APPL1: variants seen among roughly 807,000 people sequenced by gnomAD.
APPL1 encodes the protein DCC-interacting protein 13-alpha.
A neutral mutation model predicts 106.8 loss-of-function variants in APPL1; 42 were observed. The observed-to-expected ratio is 0.39, with a 90% confidence interval of 0.31 to 0.51. The LOEUF is 0.51. Among genes scored for constraint, APPL1 ranks in the 20% least tolerant of loss-of-function variants. The pLI is 0.75. For missense variants in APPL1, 769 were observed against 858.2 expected, an observed-to-expected ratio of 0.90 and a Z score of 1.30; for synonymous variants, 263 against 281.8, an observed-to-expected ratio of 0.93 and a Z score of 0.67.
chr3:57,266,206 C>T (rs1336750248), intron 19 of APPL1, among the ~76,000 whole-genome samples: 7 of 152,050 alleles, frequency 4.6e-5, no homozygotes, highest in African/African-American at 1.4e-4. Flanking sequence ...ATACTGGCCT[C>T]GTAGAATGAG....
intron 19 of APPL1, among the ~76,000 whole-genome samples, chr3:57,263,103 G>T (rs76249609): frequency 6.6e-6 from 1 of 151,860 alleles, no homozygotes; most frequent in Non-Finnish European, 1.5e-5. Flanking sequence ...CGCCTGCCTC[G>T]GCCTCCCAAA....
Position 57,269,708 on chromosome 3 carries a change from T to A in APPL1, c.*21T>A. The A allele has an allele frequency of 6.2e-7, 1 of 1,612,022 alleles. No individual in the cohort carries two copies. ...CATAAGCTTATACTTTTGGTAGATATTCCCCCTTGGAATTTGACAGTTTCT... is the reference window on the plus strand; with the variant it reads ...CATAAGCTTATACTTTTGGTAGATAATCCCCCTTGGAATTTGACAGTTTCT... On this transcript the variant is annotated 3_prime_UTR_variant, in exon 22 of 22. Transcript: ENST00000288266.
At chr3:57,233,795 G>A (rs2060701735) in intron 1 of APPL1, among the ~76,000 whole-genome samples, 1 of 151,996 alleles carries the variant, frequency 6.6e-6, no homozygotes, top group African/African-American at 2.4e-5. Flanking sequence ...AAAAATTTTT[G>A]GCCATGTGTG....
Position 57,228,530 on chromosome 3 carries a change from C to T in APPL1, c.54+593C>T, listed in dbSNP as rs1177179510. On this transcript the variant is annotated intron_variant, in intron 1 of 21. Transcript: ENST00000288266. This position sits in a 1 kb window ranked among gnomAD's most constrained non-coding sequence, Gnocchi z 4.6. ...TCGCTGTCACTCGAGCTGTGCACGG[C>T]GAGGGATGGACGGTGCCTTCGCCGC... 1.3e-5 allele frequency among the ~76,000 whole-genome samples: 2 copies of T among 152,214 alleles called. No individual in the cohort carries two copies. Among genetic ancestry groups the T allele is most frequent in the Non-Finnish European group, 2.9e-5 (2 of 68,044 alleles).
At chr3:57,244,523 C>T (rs775617737) in intron 7 of APPL1, among the ~76,000 whole-genome samples, 7 of 152,052 alleles carry the variant, frequency 4.6e-5, no homozygotes, top group African/African-American at 1.7e-4. Context: ...AGTTTGGAAT[C>T]GGAGAGAGTG....
At chr3:57,246,289 T>A in intron 8 of APPL1, 67 bp downstream of exon 8, 1 of 1,237,732 alleles carries the variant, frequency 8.1e-7, no homozygotes, top group Non-Finnish European at 1.1e-6. Flanking sequence ...GATATTTACA[T>A]TAAGTATAAG....
In APPL1 at chr3:57,260,744, T is replaced by C. The variant is rs1389676402; in HGVS notation, c.1812T>C (p.Tyr604=). The C allele has an allele frequency of 1.2e-6, 2 of 1,610,252 alleles. No homozygotes were observed. The highest frequency in any genetic ancestry group is 1.7e-6 in the Non-Finnish European group (2 of 1,177,600). The change falls in exon 19 of 22, where the codon TAT becomes TAC. Residue 604 remains tyrosine, a synonymous_variant. Transcript: ENST00000288266. ...RSESNLSSVC[Y]IFESNNEGEK... is the part of the protein sequence containing the mutation. ...AAAGTAATCTGTCATCAGTCTGCTATATATTTGAGTCAAACAATGAGGGGG... is the reference window on the plus strand; with the variant it reads ...AAAGTAATCTGTCATCAGTCTGCTACATATTTGAGTCAAACAATGAGGGGG...
At chr3:57,261,269 G>A (rs901657434) in intron 19 of APPL1, among the ~76,000 whole-genome samples, 7 of 152,164 alleles carry the variant, frequency 4.6e-5, no homozygotes, top group East Asian at 1.9e-4. Context: ...TTCCATCCAC[G>A]TTGTTGTGAA....
chr3:57,246,228 TA>T lies in APPL1; in HGVS notation c.621+7del. 1 of 1,583,728 alleles carries T rather than the reference TA, an allele frequency of 6.3e-7. No individual in the cohort carries two copies. The highest frequency in any genetic ancestry group is 8.6e-7 in the Non-Finnish European group (1 of 1,169,268). Reference sequence around the variant, plus strand: ...TTGGGTACATGCAAGCTCAGGTAAATACTGTACTGTATTTGGATTATAACTG... The same window carrying T: ...TTGGGTACATGCAAGCTCAGGTAAATCTGTACTGTATTTGGATTATAACTG... On this transcript the variant is annotated splice_region_variant and intron_variant, in intron 8 of 21. Coordinates refer to ENST00000288266, the MANE Select transcript of APPL1 (RefSeq NM_012096.3).
chr3:57,231,209 G>A (rs1002049491), intron 1 of APPL1, among the ~76,000 whole-genome samples: 1 of 151,084 alleles, frequency 6.6e-6, no homozygotes, highest in Non-Finnish European at 1.5e-5. Context: ...CGTGGTGGTG[G>A]ACGTCTGTAA....
At chr3:57,235,241 T>C (rs2060710319) in intron 1 of APPL1, among the ~76,000 whole-genome samples, 1 of 152,234 alleles carries the variant, frequency 6.6e-6, no homozygotes, top group Non-Finnish European at 1.5e-5. Flanking sequence ...ATATTTATAC[T>C]ACATGGAATG....
chr3:57,252,233 T>C (rs1220465527), intron 11 of APPL1, 36 bp from the exon 12 acceptor site: 1 of 1,563,016 alleles, frequency 6.4e-7, no homozygotes, highest in Non-Finnish European at 8.7e-7. Context: ...AATACTTTTT[T>C]AAACAGTTGA....
At chr3:57,241,648 A>G (rs542878183) in intron 5 of APPL1, among the ~76,000 whole-genome samples, 2 of 152,276 alleles carry the variant, frequency 1.3e-5, no homozygotes, top group South Asian at 4.1e-4. Context: ...GGAGTTACTA[A>G]TTGTGGTTGT....
intron 5 of APPL1, among the ~76,000 whole-genome samples, 183 bp from the exon 6 acceptor site, chr3:57,241,918 T>C (rs955979344): frequency 3.9e-5 from 6 of 152,230 alleles, no homozygotes; most frequent in African/African-American, 1.4e-4. Context: ...GTGGTGTAAC[T>C]GTTGCTAATG....
intron 1 of APPL1, among the ~76,000 whole-genome samples, chr3:57,229,156 G>A (rs2060671286): frequency 6.6e-6 from 1 of 152,202 alleles, no homozygotes; most frequent in Non-Finnish European, 1.5e-5. Context: ...TTGACTGCCA[G>A]TATACTCGGT....
intron 4 of APPL1, among the ~76,000 whole-genome samples, chr3:57,239,061 C>T (rs889092056): frequency 8.5e-5 from 13 of 152,216 alleles, no homozygotes; most frequent in African/African-American, 3.1e-4. Context: ...GCACATCTTA[C>T]ATGGCGGCAG....
chr3:57,269,088 A>T (rs2060916355), intron 21 of APPL1: 1 of 157,820 alleles, frequency 6.3e-6, no homozygotes, highest in African/African-American at 2.4e-5. Context: ...GACAAAGAAG[A>T]GGGAAGTGGC....
chr3:57,256,619 T>C (rs530699209), intron 13 of APPL1, among the ~76,000 whole-genome samples: 27 of 152,328 alleles, frequency 1.8e-4, no homozygotes, highest in Admixed American at 3.3e-4. Context: ...ATACAAACTT[T>C]AATAAAAAAT....
intron 1 of APPL1, among the ~76,000 whole-genome samples, chr3:57,231,862 A>T (rs1262450819): frequency 6.6e-6 from 1 of 151,980 alleles, no homozygotes; most frequent in Admixed American, 6.6e-5. Flanking sequence ...CCTGAATTAC[A>T]GTTACCCTTC....
Sources: gnomAD v4.1 joint callset for allele counts (sites outside exome capture counted in the v4.1 genomes callset) on GRCh38, gnomAD v4.1.1 for gene constraint, Gnocchi (gnomAD v3.1) non-coding constraint, MANE v1.5 for transcripts, NCBI Gene and HGNC (gene_info 2026-07-23, HGNC 2026-07-21) for gene names.